The following CASC3 variants were observed in gnomAD, a reference collection of about 807,000 sequenced individuals.
CASC3 encodes the protein CASC3 exon junction complex subunit.
CASC3 carries 30 observed loss-of-function variants against 80.5 expected under a neutral mutation model. The observed-to-expected ratio is 0.37, with a 90% confidence interval of 0.28 to 0.51. CASC3 has a LOEUF of 0.51. CASC3 is among the 20% of genes least tolerant of loss of function. CASC3 has a pLI of 0.94. For missense variants in CASC3, 824 were observed against 922.2 expected, an observed-to-expected ratio of 0.89 and a Z score of 1.38; for synonymous variants, 312 against 333.6, an observed-to-expected ratio of 0.94 and a Z score of 0.70.
intron 7 of CASC3, among the ~76,000 whole-genome samples, chr17:40,166,054 C>T (rs146493812): frequency 1.9e-4 from 29 of 152,240 alleles, no homozygotes; most frequent in Middle Eastern, 3.4e-3. Flanking sequence ...GCATGAGCCA[C>T]TGCATCCAGC....
At chr17:40,160,962 T>A (rs1242357895) in intron 3 of CASC3, among the ~76,000 whole-genome samples, 6 of 152,028 alleles carry the variant, frequency 3.9e-5, no homozygotes, top group Non-Finnish European at 7.4e-5. Context: ...GTGATATTTT[T>A]AAAATAGTGT....
At chr17:40,144,428 T>A (rs1250858450) in intron 3 of CASC3, among the ~76,000 whole-genome samples, 1 of 146,650 alleles carries the variant, frequency 6.8e-6, no homozygotes, top group Non-Finnish European at 1.5e-5. Context: ...CGCTGCAACC[T>A]CCACCTCCCG....
chr17:40,140,682 G>A lies in CASC3; in HGVS notation c.134G>A (p.Ser45Asn), dbSNP rs751804046. 4 of 1,597,158 alleles carry A rather than the reference G, an allele frequency of 2.5e-6. No homozygotes were observed. The highest frequency in any genetic ancestry group is 4.5e-5 in the East Asian group (2 of 44,204). ...AGCGGTAGCGCCGGAGGCGGCGGCA[G>A]CGGCTCTCTGCCTTCACAGCGCGGA... ...SCSGSAGGGG[S>N]GSLPSQRGGR... Residue 45 changes from serine to asparagine, a missense_variant, in exon 1 of 14, where the codon AGC (serine) becomes AAC (asparagine). By Grantham distance (46) the Ser-to-Asn change is conservative. Around this residue, in one of 3 missense-constraint regions of CASC3, gnomAD observed 159 missense variants for 122.2 expected, o/e 1.30. Transcript: ENST00000264645.
chr17:40,162,608 TGAG>T (rs536619806), intron 5 of CASC3, 114 bp from the exon 6 acceptor site: 12 of 884,844 alleles, frequency 1.4e-5, no homozygotes, highest in Non-Finnish European at 1.9e-5. Context: ...TTTGGGATGA[TGAG>T]GAGACTACGT....
At chr17:40,158,905 A>G (rs2145171033) in intron 3 of CASC3, among the ~76,000 whole-genome samples, 1 of 152,212 alleles carries the variant, frequency 6.6e-6, no homozygotes, top group Non-Finnish European at 1.5e-5. Flanking sequence ...CAGCTTGAGG[A>G]TAAGTGCATT....
chr17:40,159,544 G>GTTTTTTT (rs368113645), intron 3 of CASC3, among the ~76,000 whole-genome samples: 18 of 112,836 alleles, frequency 1.6e-4, no homozygotes, highest in Non-Finnish European at 2.4e-4. Flanking sequence ...TTCATTGTGT[G>GTTTTTTT]TTTTTTTTTT....
chr17:40,158,470 G>A (rs1989206919), intron 3 of CASC3, among the ~76,000 whole-genome samples: 1 of 152,180 alleles, frequency 6.6e-6, no homozygotes, highest in South Asian at 2.1e-4. Flanking sequence ...CCTAGCCATA[G>A]CTCTGCCTCC....
Position 40,147,571 on chromosome 17 carries a change from C to A in CASC3, c.297+5964C>A, listed in dbSNP as rs189451989. Among the ~76,000 whole-genome samples, 194 of 152,090 alleles carry A rather than the reference C, an allele frequency of 1.3e-3. 6 individuals carry two copies. The highest frequency in any genetic ancestry group is 0.013 in the Admixed American group (194 of 15,264). ...TTCAGGCAGGAGGATCATCTAAGCC[C>A]AGGGAGGTCAAAGCAGTAGAGCTGT... On this transcript the variant is annotated intron_variant, in intron 3 of 13. Coordinates refer to ENST00000264645, the MANE Select transcript of CASC3 (RefSeq NM_007359.5).
intron 3 of CASC3, among the ~76,000 whole-genome samples, chr17:40,154,902 T>G (rs1989106376): frequency 1.3e-5 from 2 of 152,164 alleles, no homozygotes; most frequent in African/African-American, 2.4e-5. Context: ...ATTCTTTTTG[T>G]TTTTTGAGAT....
intron 3 of CASC3, among the ~76,000 whole-genome samples, chr17:40,147,294 T>G (rs16965666): frequency 0.07 from 10,698 of 152,078 alleles, 664 homozygotes; most frequent in East Asian, 0.31. Flanking sequence ...TAGAGAGAGA[T>G]TCTAGTGTAC....
intron 7 of CASC3, among the ~76,000 whole-genome samples, chr17:40,164,749 C>CATT (rs1567683752): frequency 1.1e-5 from 1 of 87,870 alleles, no homozygotes; most frequent in African/African-American, 6.6e-5. Flanking sequence ...CCGTGCCTGG[C>CATT]CTTTTTTTTT....
At chr17:40,155,442 A>C (rs1989122168) in intron 3 of CASC3, among the ~76,000 whole-genome samples, 1 of 152,062 alleles carries the variant, frequency 6.6e-6, no homozygotes, top group Non-Finnish European at 1.5e-5. Context: ...AAGGTTTTAA[A>C]AGTGGAGCAG....
At chr17:40,143,502 G>T (rs1425695830) in intron 3 of CASC3, among the ~76,000 whole-genome samples, 1 of 151,788 alleles carries the variant, frequency 6.6e-6, no homozygotes, top group Non-Finnish European at 1.5e-5. Flanking sequence ...TTGCAACATG[G>T]TGACTACAGT....
intron 3 of CASC3, among the ~76,000 whole-genome samples, chr17:40,143,289 T>TA (rs1488203719): frequency 6.6e-6 from 1 of 151,366 alleles, no homozygotes; most frequent in Non-Finnish European, 1.5e-5. Flanking sequence ...CTACTAAAAA[T>TA]ACAAAAATTA....
At chr17:40,158,971 C>G (rs1989221631) in intron 3 of CASC3, among the ~76,000 whole-genome samples, 1 of 152,136 alleles carries the variant, frequency 6.6e-6, no homozygotes, top group Non-Finnish European at 1.5e-5. Flanking sequence ...CGCAGTGGCT[C>G]ATGCCTGTAA....
chr17:40,154,335 G>A (rs1386966516), intron 3 of CASC3, among the ~76,000 whole-genome samples: 1 of 151,986 alleles, frequency 6.6e-6, no homozygotes, highest in Non-Finnish European at 1.5e-5. Context: ...ATAGGCATCA[G>A]CCACCACACT....
At chr17:40,160,124 C>A (rs1303828480) in intron 3 of CASC3, among the ~76,000 whole-genome samples, 1 of 152,144 alleles carries the variant, frequency 6.6e-6, no homozygotes, top group Non-Finnish European at 1.5e-5. Context: ...TTGGGAATTT[C>A]TGCTCTAAGC....
intron 3 of CASC3, among the ~76,000 whole-genome samples, chr17:40,145,503 A>C (rs1196293261): frequency 6.6e-6 from 1 of 152,012 alleles, no homozygotes; most frequent in Non-Finnish European, 1.5e-5. Flanking sequence ...AAAAGCCCAG[A>C]TAGAGAAGAT....
chr17:40,153,308 C>T (rs922017009), intron 3 of CASC3, among the ~76,000 whole-genome samples: 9 of 152,088 alleles, frequency 5.9e-5, no homozygotes, highest in African/African-American at 2.2e-4. Flanking sequence ...TTTGTTGTCA[C>T]AAATGTCAAA....
Sources: gnomAD v4.1 joint callset for allele counts (sites outside exome capture counted in the v4.1 genomes callset) on GRCh38, gnomAD v4.1.1 for gene constraint, gnomAD v4.1.1 regional missense constraint, MANE v1.5 for transcripts, NCBI Gene and HGNC (gene_info 2026-07-23, HGNC 2026-07-21) for gene names.